Variants in ARSB observed in about 807,000 individuals in gnomAD.
ARSB encodes N-acetylgalactosamine-4-sulfatase.
In ARSB, 41 loss-of-function variants were observed where a neutral mutation model predicts 50.9. That is an observed-to-expected ratio of 0.81 (90% CI 0.63 to 1.04). The LOEUF is 1.04. Ranked by LOEUF, ARSB falls within the 50% of genes least tolerant of loss-of-function variation. The pLI, the probability that ARSB is intolerant of heterozygous loss-of-function variation, is 0.00. For missense variants in ARSB, 672 were observed against 693.3 expected, an observed-to-expected ratio of 0.97 and a Z score of 0.35; for synonymous variants, 269 against 284.8, an observed-to-expected ratio of 0.94 and a Z score of 0.56.
intron 5 of ARSB, chr5:78,884,174 T>C (rs1468156499): frequency 6.6e-6 from 1 of 152,234 alleles, no homozygotes; most frequent in Non-Finnish European, 1.5e-5. Context: ...TAGTCAGTTG[T>C]TGGCCTTCTG....
At chr5:78,841,156 C>CTAATAATAA (rs1491427657) in intron 5 of ARSB, among the ~76,000 whole-genome samples, 11 of 102,906 alleles carry the variant, frequency 1.1e-4, no homozygotes, top group African/African-American at 3.9e-4. Flanking sequence ...ACTACTACTA[C>CTAATAATAA]TACTACTACT....
intron 7 of ARSB, among the ~76,000 whole-genome samples, chr5:78,781,071 C>A (rs1296149229): frequency 6.6e-6 from 1 of 152,158 alleles, no homozygotes; most frequent in Non-Finnish European, 1.5e-5. Context: ...ACAGCCTTAA[C>A]CATCATCCCA....
chr5:78,918,097 G>A (rs970549780), intron 4 of ARSB, among the ~76,000 whole-genome samples: 1 of 152,084 alleles, frequency 6.6e-6, no homozygotes, highest in African/African-American at 2.4e-5. Flanking sequence ...TAGGCTTATT[G>A]TTTCTCTTAG....
At chr5:78,885,929 TA>T (rs201670623) in intron 4 of ARSB, 102 bp from the exon 5 acceptor site, 251 of 1,554,178 alleles carry the variant, frequency 1.6e-4, no homozygotes, top group African/African-American at 1.0e-3. Context: ...GCTTAAATAA[TA>T]AAAAAAAAGA....
chr5:78,818,090 G>C (rs947558187), intron 6 of ARSB, among the ~76,000 whole-genome samples: 1 of 152,182 alleles, frequency 6.6e-6, no homozygotes, highest in Non-Finnish European at 1.5e-5. Context: ...AGAGGTTGCA[G>C]TGAACCAAGA....
At chr5:78,939,598 T>C (rs191804361) in intron 4 of ARSB, among the ~76,000 whole-genome samples, 2 of 152,272 alleles carry the variant, frequency 1.3e-5, no homozygotes, top group Admixed American at 1.3e-4. Context: ...CGTGTCCCTA[T>C]AAAGGACATG....
Position 78,884,913 on chromosome 5 carries a change from T to C in ARSB, c.1142+671A>G, listed in dbSNP as rs337836. The C allele has an allele frequency of 0.24, 36,528 of 152,128 alleles. 4,884 individuals carry two copies. The highest frequency in any genetic ancestry group is 0.55 in the East Asian group (2,865 of 5,168). The allele number at this position is 152,128 out of a possible 1,614,324, so 9.4% of individuals were successfully genotyped here. A position where few individuals can be genotyped will look rare whatever the true frequency, so the allele number is the denominator to read the frequency against. ...GAAAAAGACCATCACGATTTCCAAA[T>C]CTGAGTCTGGGTCCTGTTCCCTGAT... On this transcript the variant is annotated intron_variant, in intron 5 of 7. Transcript: ENST00000264914.
intron 4 of ARSB, among the ~76,000 whole-genome samples, chr5:78,895,677 G>A (rs1056369251): frequency 6.6e-6 from 1 of 152,182 alleles, no homozygotes; most frequent in Non-Finnish European, 1.5e-5. Flanking sequence ...ATCTCCACTG[G>A]AATGATGTTT....
intron 5 of ARSB, among the ~76,000 whole-genome samples, chr5:78,871,425 G>C (rs1747167451): frequency 6.6e-6 from 1 of 151,302 alleles, no homozygotes; most frequent in South Asian, 2.1e-4. Context: ...ATACTACAAG[G>C]CTTCAGTAAC....
intron 4 of ARSB, among the ~76,000 whole-genome samples, chr5:78,928,868 G>A (rs891310856): frequency 6.6e-6 from 1 of 152,108 alleles, no homozygotes; most frequent in Non-Finnish European, 1.5e-5. Context: ...AGGAAGATGT[G>A]CCCCATTTCT....
chr5:78,872,019 A>G (rs1040258840), intron 5 of ARSB, among the ~76,000 whole-genome samples: 7 of 151,786 alleles, frequency 4.6e-5, no homozygotes, highest in Admixed American at 6.6e-5. Flanking sequence ...ATGAACAGAC[A>G]CTTCTCAAAA....
intron 5 of ARSB, among the ~76,000 whole-genome samples, chr5:78,852,254 G>A (rs1469325997): frequency 1.3e-5 from 2 of 152,134 alleles, no homozygotes; most frequent in Non-Finnish European, 2.9e-5. Flanking sequence ...CAGGCCTGGT[G>A]GTGACAAAAT....
chr5:78,856,185 C>T (rs1348904803), intron 5 of ARSB, among the ~76,000 whole-genome samples: 3 of 152,100 alleles, frequency 2.0e-5, no homozygotes, highest in Non-Finnish European at 4.4e-5. Context: ...TCTTGGCACC[C>T]TTGTCAAAAA....
rs183691402 is a variant in ARSB at position 78,850,797 on chromosome 5, C to G, written c.1143-11371G>C. Among the ~76,000 whole-genome samples, 18 of 151,980 alleles carry G rather than the reference C, an allele frequency of 1.2e-4. No individual in the cohort carries two copies. The East Asian group carries it at 1.5e-3, about 13-fold the overall frequency. ...CCTGGTTTAGTCTTGGGAGGGTGTA[C>G]GTATCCAGTAATTTATCCGTTTCTT... On this transcript the variant is annotated intron_variant, in intron 5 of 7. Transcript: ENST00000264914.
intron 5 of ARSB, among the ~76,000 whole-genome samples, chr5:78,859,714 CA>C (rs1402624793): frequency 6.6e-6 from 1 of 151,010 alleles, no homozygotes; most frequent in Non-Finnish European, 1.5e-5. Flanking sequence ...CTATGCTAAA[CA>C]AACAAAAAAA....
At chr5:78,841,844 G>C (rs1444753312) in intron 5 of ARSB, among the ~76,000 whole-genome samples, 3 of 152,120 alleles carry the variant, frequency 2.0e-5, no homozygotes, top group Non-Finnish European at 4.4e-5. Flanking sequence ...GAATCATCAT[G>C]ATGCAAATAG....
At chr5:78,895,610 T>C (rs1188472194) in intron 4 of ARSB, among the ~76,000 whole-genome samples, 3 of 152,234 alleles carry the variant, frequency 2.0e-5, no homozygotes, top group Admixed American at 6.5e-5. Flanking sequence ...GTTAGGCATA[T>C]AGACTGAAAA....
intron 4 of ARSB, among the ~76,000 whole-genome samples, chr5:78,934,052 G>A (rs578000458): frequency 6.6e-6 from 1 of 152,326 alleles, no homozygotes; most frequent in South Asian, 2.1e-4. Context: ...TAAGCTGACA[G>A]CCAGACAATG....
chr5:78,968,315 TTTATTA>T (rs138887783), intron 2 of ARSB, among the ~76,000 whole-genome samples: 20,989 of 142,910 alleles, frequency 0.15, 1,755 homozygotes, highest in East Asian at 0.23. Context: ...CATTTTTTAT[TTTATTA>T]TTATTATTAT....
Sources: gnomAD v4.1 joint callset for allele counts (sites outside exome capture counted in the v4.1 genomes callset) on GRCh38, gnomAD v4.1.1 for gene constraint, MANE v1.5 for transcripts, NCBI Gene and HGNC (gene_info 2026-07-23, HGNC 2026-07-21) for gene names.